MYO9A: variants seen among roughly 807,000 people sequenced by gnomAD.
MYO9A encodes unconventional myosin-IXa.
A neutral mutation model predicts 293.3 loss-of-function variants in MYO9A; 103 were observed. The observed-to-expected ratio is 0.35, with a 90% CI of 0.30 to 0.41. The LOEUF (loss-of-function observed/expected upper bound fraction) is 0.41. Among genes scored for constraint, MYO9A ranks in the 10% least tolerant of loss-of-function variants. MYO9A has a pLI of 1.00. For synonymous variants in MYO9A, 1,001 were observed against 1,035.7 expected, an observed-to-expected ratio of 0.97 and a Z score of 0.64; for missense variants, 2,685 against 3,033.0, an observed-to-expected ratio of 0.89 and a Z score of 2.69.
chr15:71,888,080 T>C lies in MYO9A; in HGVS notation c.5179A>G (p.Lys1727Glu), dbSNP rs1309544709. The C allele has an allele frequency of 1.2e-6, 2 of 1,610,456 alleles. No homozygotes were observed. Among genetic ancestry groups the C allele is most frequent in the Non-Finnish European group, 8.5e-7 (1 of 1,178,276 alleles). Residue 1727 changes from lysine to glutamate, a missense_variant, in exon 27 of 42, where the codon AAA becomes GAA. This residue lies in a region of MYO9A where 1,434 missense variants were observed against 1,497.7 expected (regional missense o/e 0.96). Transcript: ENST00000356056. ...CCTTGAGACATAGTCTTATGAAGTT[T>C]TGCTTGTTCATCAACTGACGAAAAT... ...QRFSSVDEQAKLHKTMSQGEI... is the reference protein window; with the variant it reads ...QRFSSVDEQAELHKTMSQGEI...
intron 14 of MYO9A, among the ~76,000 whole-genome samples, chr15:71,952,754 G>A (rs958258575): frequency 7.2e-5 from 11 of 151,966 alleles, no homozygotes; most frequent in Non-Finnish European, 1.3e-4. Context: ...ATAATATAGA[G>A]GCAAATTAAG....
chr15:71,902,831 T>G, intron 22 of MYO9A, 110 bp downstream of exon 22: 1 of 881,750 alleles, frequency 1.1e-6, no homozygotes, highest in Non-Finnish European at 1.6e-6. Context: ...ACCAATTGTC[T>G]TCTGATATCT....
intron 6 of MYO9A, among the ~76,000 whole-genome samples, chr15:72,014,547 G>A (rs894555604): frequency 6.6e-5 from 10 of 152,170 alleles, no homozygotes; most frequent in East Asian, 1.9e-4. Flanking sequence ...TTAGCCAGGC[G>A]TGGTGCCGGG....
chr15:71,830,189 G>T lies in MYO9A; in HGVS notation c.6960C>A (p.Asp2320Glu). The change falls in exon 40 of 42, where the codon GAC becomes GAA. Residue 2320 changes from aspartate (D) to glutamate (E), a missense_variant. Asp to Glu is a conservative substitution (Grantham distance 45, BLOSUM62 2). Around this residue, in one of 10 missense-constraint regions of MYO9A, gnomAD observed 350 missense variants for 328.9 expected, o/e 1.06. Coordinates refer to ENST00000356056, the MANE Select transcript of MYO9A (RefSeq NM_006901.4). ...TAGCTGCTTGCTGCTGTTCTGTGAT[G>T]TCAGTCTCCATGGCTGCCTCACTAG... ...TLTSEAAMET[D>E]ITEQQQAAMQ... is the part of the protein sequence containing the mutation. 6.2e-7 allele frequency: 1 copy of T among 1,614,080 alleles called. No individual in the cohort carries two copies. The highest frequency in any genetic ancestry group is 1.3e-5 in the African/African-American group (1 of 75,018).
At chr15:71,960,299 G>A in intron 13 of MYO9A, 1 of 547,488 alleles carries the variant, frequency 1.8e-6, no homozygotes, top group Non-Finnish European at 3.2e-6. Context: ...TCTCTTCAAA[G>A]TAATGAATGA....
chr15:71,837,566 T>C (rs2054992781), intron 39 of MYO9A, among the ~76,000 whole-genome samples: 1 of 152,100 alleles, frequency 6.6e-6, no homozygotes, highest in African/African-American at 2.4e-5. Flanking sequence ...CTTTTTTCAG[T>C]GTTCATACCA....
At chr15:71,976,511 T>C (rs894631246) in intron 12 of MYO9A, among the ~76,000 whole-genome samples, 3 of 152,170 alleles carry the variant, frequency 2.0e-5, no homozygotes, top group Non-Finnish European at 4.4e-5. Flanking sequence ...ACTATAAAAT[T>C]CCCCAAACAA....
chr15:71,828,414 A>G (rs760266751), intron 40 of MYO9A, among the ~76,000 whole-genome samples: 9 of 152,182 alleles, frequency 5.9e-5, no homozygotes, highest in Non-Finnish European at 1.2e-4. Context: ...ACCACAAAAC[A>G]AAGAGATTAA....
intron 1 of MYO9A, among the ~76,000 whole-genome samples, chr15:72,101,640 T>TGG (rs555875550): frequency 1.1e-5 from 1 of 89,102 alleles, no homozygotes; most frequent in Admixed American, 1.3e-4. Context: ...AGGAGGGAGG[T>TGG]GGGGGGGTCA....
At chr15:71,931,092 T>G (rs979396822) in intron 18 of MYO9A, among the ~76,000 whole-genome samples, 1 of 152,218 alleles carries the variant, frequency 6.6e-6, no homozygotes, top group Admixed American at 6.5e-5. Context: ...ATACTAGAGA[T>G]ATCATTGATT....
intron 39 of MYO9A, chr15:71,847,399 C>A: frequency 4.5e-6 from 2 of 447,160 alleles, no homozygotes; most frequent in Non-Finnish European, 4.5e-6. Flanking sequence ...TGACACATTG[C>A]ATTATTAATA....
intron 33 of MYO9A, among the ~76,000 whole-genome samples, chr15:71,860,853 G>C (rs1464967813): frequency 4.0e-5 from 6 of 151,254 alleles, no homozygotes; most frequent in Non-Finnish European, 7.4e-5. Context: ...TGTAATCCCA[G>C]CTACTTGGGA....
chr15:72,038,378 C>T (rs955371648), intron 2 of MYO9A, among the ~76,000 whole-genome samples: 7 of 151,636 alleles, frequency 4.6e-5, no homozygotes, highest in Admixed American at 1.3e-4. Flanking sequence ...AAAAAATATC[C>T]ACCACGAAAG....
intron 12 of MYO9A, among the ~76,000 whole-genome samples, chr15:71,970,334 C>T (rs1250868365): frequency 6.6e-6 from 1 of 152,170 alleles, no homozygotes; most frequent in Non-Finnish European, 1.5e-5. Context: ...TAACATACAG[C>T]CATTAAGTAG....
chr15:71,828,156 G>A, intron 40 of MYO9A, 130 bp from the exon 41 acceptor site: 1 of 1,046,068 alleles, frequency 9.6e-7, no homozygotes, highest in East Asian at 2.5e-5. Flanking sequence ...TCCCCATCCA[G>A]GTGGTGATGA....
chr15:71,904,939 G>T lies in MYO9A; in HGVS notation c.2753C>A (p.Ser918Tyr). Residue 918 changes from serine to tyrosine, a missense_variant, in exon 20 of 42, where the codon TCT (serine) becomes TAT (tyrosine). This residue lies in a region of MYO9A where 1,434 missense variants were observed against 1,497.7 expected (regional missense o/e 0.96). Coordinates refer to ENST00000356056, the MANE Select transcript of MYO9A (RefSeq NM_006901.4). ...AEPYFVKCIR[S>Y]NAEKLPLRFS... The stretch of plus-strand genomic sequence containing the variant: ...GGACATTTTTACCTTTTCAGCATTA[G>T]AGCGAATGCATTTTACAAAATATGG... 1 of 1,604,720 alleles carries T rather than the reference G, an allele frequency of 6.2e-7. No individual in the cohort carries two copies. The highest frequency in any genetic ancestry group is 8.5e-7 in the Non-Finnish European group (1 of 1,173,714).
At chr15:71,913,823 A>C (rs2057930393) in intron 19 of MYO9A, among the ~76,000 whole-genome samples, 1 of 152,096 alleles carries the variant, frequency 6.6e-6, no homozygotes, top group Non-Finnish European at 1.5e-5. Flanking sequence ...CATTAGGACT[A>C]TTTTGGTCCC....
intron 18 of MYO9A, among the ~76,000 whole-genome samples, chr15:71,918,355 G>A (rs1180222669): frequency 1.3e-5 from 2 of 151,880 alleles, no homozygotes; most frequent in East Asian, 1.9e-4. Context: ...AAAAAATAAT[G>A]AAAAATTATA....
chr15:71,937,930 G>T (rs1426110813), intron 16 of MYO9A, among the ~76,000 whole-genome samples: 1 of 152,074 alleles, frequency 6.6e-6, no homozygotes, highest in African/African-American at 2.4e-5. Flanking sequence ...TGCAAATATG[G>T]TGGTAGATAC....
Sources: allele counts gnomAD v4.1 joint callset (sites outside exome capture counted in the v4.1 genomes callset), GRCh38; gene constraint gnomAD v4.1.1; regional missense constraint gnomAD v4.1.1; transcripts MANE v1.5; gene names NCBI Gene and HGNC (gene_info 2026-07-23, HGNC 2026-07-21).